The following XKR9 variants were observed in gnomAD, a reference collection of about 807,000 sequenced individuals.
XKR9 encodes XK-related protein 9.
XKR9 carries 32 observed loss-of-function variants against 32.0 expected under a neutral mutation model. The ratio of observed to expected loss-of-function variants is 1.00; its 90% CI spans 0.76 to 1.34. The LOEUF (loss-of-function observed/expected upper bound fraction) is 1.34, where lower values mean the gene tolerates loss of function less well. XKR9 is among the 40% of genes most tolerant of loss of function. The pLI is 0.00. For synonymous variants in XKR9, 168 were observed against 143.4 expected, an observed-to-expected ratio of 1.17 and a Z score of -1.22; for missense variants, 546 against 429.7, an observed-to-expected ratio of 1.27 and a Z score of -2.39.
At chr8:70,769,668 A>T (rs763515610) in intron 2 of XKR9, among the ~76,000 whole-genome samples, 1 of 151,182 alleles carries the variant, frequency 6.6e-6, no homozygotes, top group African/African-American at 2.4e-5. Context: ...TCTTGTCTTC[A>T]TCCTTTATTT....
the XKR9 span, among the ~76,000 whole-genome samples, chr8:70,933,011 C>T: frequency 6.3e-3 from 962 of 152,158 alleles, 11 homozygotes; most frequent in African/African-American, 0.021. Flanking sequence ...TCAAGTGTGT[C>T]CCTCAAATGG....
chr8:71,048,286 G>A, the XKR9 span, among the ~76,000 whole-genome samples: 5 of 152,048 alleles, frequency 3.3e-5, no homozygotes, highest in Non-Finnish European at 4.4e-5. Flanking sequence ...CTGTTCAGCC[G>A]CTGGTCTCTC....
At chr8:70,800,178 T>A in the XKR9 span, among the ~76,000 whole-genome samples, 6 of 152,236 alleles carry the variant, frequency 3.9e-5, no homozygotes, top group Non-Finnish European at 7.3e-5. Flanking sequence ...GATTTACATA[T>A]GTTGAACCGA....
chr8:70,876,687 T>G, the XKR9 span, among the ~76,000 whole-genome samples: 2 of 152,128 alleles, frequency 1.3e-5, no homozygotes, highest in Admixed American at 6.6e-5. Context: ...ATTTAGTAAA[T>G]GAATACTGAT....
chr8:70,686,421 A>G (rs268638), intron 3 of XKR9, among the ~76,000 whole-genome samples: 3,277 of 150,792 alleles, frequency 0.022, 45 homozygotes, highest in Non-Finnish European at 0.034. Flanking sequence ...TAATATATAT[A>G]TATATATATA....
the XKR9 span, among the ~76,000 whole-genome samples, chr8:70,994,333 CT>C: frequency 3.3e-5 from 5 of 151,102 alleles, no homozygotes; most frequent in African/African-American, 9.7e-5. Context: ...CCTGAGAAAG[CT>C]TTTTTTTTCC....
the XKR9 span, among the ~76,000 whole-genome samples, chr8:70,934,983 C>T: frequency 6.6e-6 from 1 of 151,138 alleles, no homozygotes; most frequent in Non-Finnish European, 1.5e-5. Flanking sequence ...CACTCTCATC[C>T]CTCCATATGT....
chr8:70,811,114 C>G, the XKR9 span, among the ~76,000 whole-genome samples: 1 of 152,166 alleles, frequency 6.6e-6, no homozygotes, highest in African/African-American at 2.4e-5. Flanking sequence ...TGCAATCAAA[C>G]TAGAACTCAG....
intron 2 of XKR9, chr8:70,780,811 T>G (rs1807605297): frequency 6.6e-6 from 1 of 152,194 alleles, no homozygotes; most frequent in African/African-American, 2.4e-5. Context: ...AATTCACTGG[T>G]GCCTGCATCA....
the XKR9 span, among the ~76,000 whole-genome samples, chr8:70,918,768 CTTTTTTT>C: frequency 1.6e-5 from 1 of 64,138 alleles, no homozygotes; most frequent in African/African-American, 7.3e-5. Flanking sequence ...TCATGGGATC[CTTTTTTT>C]TTTTTTTTTT....
intron 2 of XKR9, among the ~76,000 whole-genome samples, chr8:70,761,166 A>G (rs1807303516): frequency 6.6e-6 from 1 of 152,230 alleles, no homozygotes; most frequent in Non-Finnish European, 1.5e-5. Context: ...TAGTGCTGCA[A>G]TGAACATACA....
chr8:71,035,969 C>T, the XKR9 span, among the ~76,000 whole-genome samples: 1 of 152,098 alleles, frequency 6.6e-6, no homozygotes, highest in Non-Finnish European at 1.5e-5. Context: ...CTTACTAAGC[C>T]CTCCCTCCCG....
chr8:71,059,515 G>T, the XKR9 span, among the ~76,000 whole-genome samples: 1 of 152,184 alleles, frequency 6.6e-6, no homozygotes, highest in Non-Finnish European at 1.5e-5. Context: ...AGGAACTGGC[G>T]CTGTGACAAA....
intron 2 of XKR9, among the ~76,000 whole-genome samples, chr8:70,777,709 G>T (rs1049564151): frequency 6.6e-6 from 1 of 151,856 alleles, no homozygotes; most frequent in African/African-American, 2.4e-5. Flanking sequence ...AATGACCAGT[G>T]ATGATGAGCA....
chr8:70,982,395 T>G, the XKR9 span, among the ~76,000 whole-genome samples: 9 of 152,068 alleles, frequency 5.9e-5, no homozygotes, highest in African/African-American at 2.2e-4. Context: ...TGGTTCACAG[T>G]CCAGTGGAGT....
At position 70,778,777 on chromosome 8, in the gene XKR9, G is replaced by A. The variant is rs185296182; in HGVS notation, n.353-10562G>A. Among the ~76,000 whole-genome samples the A allele has an allele frequency of 4.2e-3, 632 of 152,266 alleles. 2 individuals carry two copies. Among genetic ancestry groups the A allele is most frequent in the South Asian group, 0.029 (138 of 4,816 alleles). On this transcript the variant is annotated intron_variant and non_coding_transcript_variant, in intron 2 of 3. Transcript: ENST00000520273. The stretch of plus-strand genomic sequence containing the variant: ...CTGTTATTGGTGTATAGGGATGCTT[G>A]TGATTTTTGCACATTGATTTTGTAT...
the XKR9 span, among the ~76,000 whole-genome samples, chr8:70,854,872 T>C: frequency 2.6e-5 from 4 of 152,210 alleles, no homozygotes; most frequent in South Asian, 2.1e-4. Context: ...TTCTGCTCCA[T>C]TGGTTTATAT....
At chr8:70,866,262 G>A in the XKR9 span, among the ~76,000 whole-genome samples, 1 of 152,226 alleles carries the variant, frequency 6.6e-6, no homozygotes, top group African/African-American at 2.4e-5. Context: ...CAGTGAAGCT[G>A]CTGTTGGAAC....
chr8:70,864,124 G>A, the XKR9 span, among the ~76,000 whole-genome samples: 1 of 152,150 alleles, frequency 6.6e-6, no homozygotes, highest in African/African-American at 2.4e-5. Context: ...TATGTGCCAG[G>A]TAATAAAGGA....
Sources: allele counts gnomAD v4.1 joint callset (sites outside exome capture counted in the v4.1 genomes callset), GRCh38; gene constraint gnomAD v4.1.1; transcripts MANE v1.5; gene names NCBI Gene and HGNC (gene_info 2026-07-23, HGNC 2026-07-21).